LCORL: variants seen among roughly 807,000 people sequenced by gnomAD.
LCORL encodes the protein ligand dependent nuclear receptor corepressor like, also known as ligand-dependent nuclear receptor corepressor-like protein.
LCORL carries 41 observed loss-of-function variants against 141.8 expected under a neutral mutation model. The ratio of observed to expected loss-of-function variants is 0.29; its 90% CI spans 0.23 to 0.38. The LOEUF (loss-of-function observed/expected upper bound fraction) is 0.38, where lower values mean the gene tolerates loss of function less well. Among genes scored for constraint, LCORL ranks in the 10% least tolerant of loss-of-function variants. The probability of loss-of-function intolerance (pLI) is 1.00; values close to 1 mark genes in which losing one functional copy is unlikely to be tolerated. For synonymous variants in LCORL, 618 were observed against 694.1 expected (o/e 0.89, Z 1.72); for missense variants, 1,759 against 2,035.0 (o/e 0.86, Z 2.61).
chr4:17,912,061 C>G, intron 4 of LCORL: 1 of 697,412 alleles, frequency 1.4e-6, no homozygotes, highest in Non-Finnish European at 2.7e-6. Context: ...GAAGGGACCC[C>G]AGGTCAGAGA....
chr4:17,981,052 A>C (rs921351263), intron 1 of LCORL, among the ~76,000 whole-genome samples: 3 of 152,210 alleles, frequency 2.0e-5, no homozygotes, highest in Non-Finnish European at 4.4e-5. Flanking sequence ...TAGTTCTTTA[A>C]GACTAATTAC....
At chr4:17,987,392 C>T (rs182690807) in intron 1 of LCORL, among the ~76,000 whole-genome samples, 1 of 152,220 alleles carries the variant, frequency 6.6e-6, no homozygotes, top group East Asian at 1.9e-4. Flanking sequence ...CATCAGTACT[C>T]CAATTCTTTT....
chr4:17,956,243 G>C (rs1296355048), intron 4 of LCORL, among the ~76,000 whole-genome samples: 1 of 152,082 alleles, frequency 6.6e-6, no homozygotes, highest in African/African-American at 2.4e-5. Flanking sequence ...ATAGAAAATA[G>C]TGCGGAGGTT....
At chr4:17,899,410 G>C (rs1190639534) in intron 5 of LCORL, among the ~76,000 whole-genome samples, 13 of 152,150 alleles carry the variant, frequency 8.5e-5, no homozygotes, top group Non-Finnish European at 2.9e-5. Context: ...CAGGCAAAGG[G>C]ATCAGCAGCC....
Position 17,884,501 on chromosome 4 carries a change from C to T in LCORL, c.776+1567G>A, listed in dbSNP as rs780244273. The T allele has an allele frequency of 1.3e-6, 2 of 1,545,390 alleles. No homozygotes were observed. Among genetic ancestry groups the T allele is most frequent in the South Asian group, 2.4e-5 (2 of 83,332 alleles). On this transcript the variant is annotated intron_variant, in intron 6 of 7. Transcript: ENST00000635767. This position sits in a 1 kb window ranked among gnomAD's most constrained non-coding sequence, Gnocchi z 4.4. ...CAAGGCTACTTTTTGCAGCACTGCA[C>T]AAGTTTCTTTACTGTCCTTATATGA... is the stretch of plus-strand genomic sequence containing the variant.
intron 5 of LCORL, among the ~76,000 whole-genome samples, chr4:17,901,856 C>T (rs1173297761): frequency 6.6e-6 from 1 of 151,894 alleles, no homozygotes; most frequent in African/African-American, 2.4e-5. Context: ...ACAAATGCTA[C>T]AAAACAATAT....
At chr4:17,913,700 A>G (rs1410568379) in intron 4 of LCORL, among the ~76,000 whole-genome samples, 1 of 152,250 alleles carries the variant, frequency 6.6e-6, no homozygotes, top group Non-Finnish European at 1.5e-5. Flanking sequence ...ATATGGCAAG[A>G]GTTATGATGG....
At chr4:17,843,190 G>T in exon 8 of LCORL, 1 of 1,128,648 alleles carries the variant, frequency 8.9e-7, no homozygotes, top group Non-Finnish European at 1.3e-6. Context: ...ATGGAATCAG[G>T]CTATCAATTA....
chr4:17,956,073 C>T (rs1290627247), intron 4 of LCORL, among the ~76,000 whole-genome samples: 3 of 152,210 alleles, frequency 2.0e-5, no homozygotes, highest in Admixed American at 1.3e-4. Flanking sequence ...CATCACTAAT[C>T]ACCAGGGAAA....
At chr4:17,988,172 C>T (rs925434954) in intron 1 of LCORL, among the ~76,000 whole-genome samples, 6 of 152,236 alleles carry the variant, frequency 3.9e-5, no homozygotes, top group Non-Finnish European at 8.8e-5. Context: ...ACTTGCTCCT[C>T]CTTGCCTTCC....
intron 1 of LCORL, among the ~76,000 whole-genome samples, chr4:17,990,129 C>G (rs1157773815): frequency 7.4e-6 from 1 of 134,930 alleles, no homozygotes; most frequent in Admixed American, 7.9e-5. Flanking sequence ...AATGGAGTCT[C>G]GCTCTGTCAC....
intron 7 of LCORL, among the ~76,000 whole-genome samples, chr4:17,856,846 A>T (rs1046413372): frequency 3.3e-5 from 5 of 152,164 alleles, no homozygotes; most frequent in Non-Finnish European, 5.9e-5. Context: ...GATTTCCCAG[A>T]CAACTCAACC....
chr4:17,880,809 CAA>C, intron 6 of LCORL: 1 of 896,848 alleles, frequency 1.1e-6, no homozygotes, highest in South Asian at 5.2e-5. Flanking sequence ...ATTTACAACA[CAA>C]GACAGATACA....
At chr4:18,000,484 A>G (rs1447462080) in intron 1 of LCORL, among the ~76,000 whole-genome samples, 1 of 152,220 alleles carries the variant, frequency 6.6e-6, no homozygotes, top group Non-Finnish European at 1.5e-5. Flanking sequence ...TGTAATGTCT[A>G]AGAATGTTCA....
chr4:17,911,936 A>G, intron 4 of LCORL: 1 of 562,452 alleles, frequency 1.8e-6, no homozygotes, highest in African/African-American at 1.9e-5. Flanking sequence ...CAAAGTCTGA[A>G]TGGCCAGACC....
intron 1 of LCORL, among the ~76,000 whole-genome samples, chr4:17,988,685 T>C (rs1272902590): frequency 6.6e-6 from 1 of 152,222 alleles, no homozygotes; most frequent in Admixed American, 6.5e-5. Flanking sequence ...AGATGTTAAC[T>C]TAAAAATAAT....
At chr4:18,003,004 A>G (rs1252170474) in intron 1 of LCORL, among the ~76,000 whole-genome samples, 1 of 152,242 alleles carries the variant, frequency 6.6e-6, no homozygotes, top group Non-Finnish European at 1.5e-5. Flanking sequence ...AAAAAGAACC[A>G]AAGTCCACAG....
intron 7 of LCORL, among the ~76,000 whole-genome samples, chr4:17,871,430 AC>A (rs1726323522): frequency 6.6e-6 from 1 of 151,986 alleles, no homozygotes; most frequent in African/African-American, 2.4e-5. Context: ...AAAAGTAGTC[AC>A]TAGGCATCTT....
intron 5 of LCORL, among the ~76,000 whole-genome samples, chr4:17,905,893 T>C (rs1731533109): frequency 6.6e-6 from 1 of 152,140 alleles, no homozygotes; most frequent in African/African-American, 2.4e-5. Context: ...AGCTCTTCAT[T>C]GACTATACTA....
Sources: allele counts gnomAD v4.1 joint callset (sites outside exome capture counted in the v4.1 genomes callset), GRCh38; gene constraint gnomAD v4.1.1; non-coding constraint Gnocchi (gnomAD v3.1); transcripts MANE v1.5; gene names NCBI Gene and HGNC (gene_info 2026-07-23, HGNC 2026-07-21).